The following FBXL17 variants were observed in gnomAD, a reference collection of about 807,000 sequenced individuals.
FBXL17 encodes the protein F-box/LRR-repeat protein 17.
Under a neutral mutation model 66.2 loss-of-function variants are expected in FBXL17, and 22 were observed. That is an observed-to-expected ratio of 0.33 (90% CI 0.24 to 0.47). The LOEUF is 0.47. Ranked by LOEUF, FBXL17 falls within the 20% of genes least tolerant of loss-of-function variation. The pLI, the probability that FBXL17 is intolerant of heterozygous loss-of-function variation, is 1.00. For missense variants in FBXL17, 878 were observed against 948.2 expected (o/e 0.93, Z 0.97); for synonymous variants, 474 against 400.5 (o/e 1.18, Z -2.19).
At chr5:107,983,846 G>T (rs1752917427) in intron 7 of FBXL17, among the ~76,000 whole-genome samples, 1 of 152,098 alleles carries the variant, frequency 6.6e-6, no homozygotes, top group Non-Finnish European at 1.5e-5. Context: ...GGCATGGCAG[G>T]GAATAATAGA....
intron 4 of FBXL17, among the ~76,000 whole-genome samples, chr5:108,329,396 T>C (rs370205182): frequency 6.6e-6 from 1 of 152,120 alleles, no homozygotes; most frequent in African/African-American, 2.4e-5. Context: ...AGAAAACAAC[T>C]GCTTAAAGTC....
At chr5:108,200,916 G>A (rs1753867714) in intron 5 of FBXL17, among the ~76,000 whole-genome samples, 1 of 152,154 alleles carries the variant, frequency 6.6e-6, no homozygotes, top group South Asian at 2.1e-4. Flanking sequence ...TACTGGGCAA[G>A]TGTGTCTAGA....
chr5:108,334,475 G>T (rs1257338013), intron 4 of FBXL17, among the ~76,000 whole-genome samples: 1 of 152,100 alleles, frequency 6.6e-6, no homozygotes, highest in African/African-American at 2.4e-5. Context: ...ACCTGACAAC[G>T]CCTATGGGCC....
At chr5:107,918,525 G>A (rs542434121) in intron 7 of FBXL17, among the ~76,000 whole-genome samples, 58 of 152,186 alleles carry the variant, frequency 3.8e-4, no homozygotes, top group African/African-American at 1.4e-3. Context: ...TTACTAATCA[G>A]GGTAGCCAAA....
chr5:108,022,258 TAAAAC>T (rs1449742940), intron 6 of FBXL17, among the ~76,000 whole-genome samples: 2 of 151,862 alleles, frequency 1.3e-5, no homozygotes, highest in African/African-American at 2.4e-5. Flanking sequence ...ACAGGAAACT[TAAAAC>T]AGCAACACAA....
intron 7 of FBXL17, among the ~76,000 whole-genome samples, chr5:107,934,995 G>C (rs1750850906): frequency 6.6e-6 from 1 of 152,008 alleles, no homozygotes; most frequent in African/African-American, 2.4e-5. Context: ...TGTGAAATGA[G>C]TTGTTCTAAG....
intron 6 of FBXL17, among the ~76,000 whole-genome samples, chr5:108,106,257 A>G (rs1182483027): frequency 6.6e-6 from 1 of 152,226 alleles, no homozygotes. Context: ...GAAAAGACAG[A>G]TAATAACAAG....
intron 4 of FBXL17, among the ~76,000 whole-genome samples, chr5:108,313,413 C>G (rs1484078913): frequency 6.6e-6 from 1 of 152,124 alleles, no homozygotes. Flanking sequence ...AATTTCATCT[C>G]TACCTTCTGC....
intron 7 of FBXL17, among the ~76,000 whole-genome samples, chr5:107,938,938 C>T (rs991969971): frequency 1.3e-5 from 2 of 151,968 alleles, no homozygotes; most frequent in African/African-American, 4.8e-5. Context: ...TTTCTAGGAC[C>T]TTTACAAACT....
At chr5:107,998,376 C>T (rs1031752117) in intron 7 of FBXL17, among the ~76,000 whole-genome samples, 6 of 152,160 alleles carry the variant, frequency 3.9e-5, no homozygotes, top group Non-Finnish European at 7.4e-5. Flanking sequence ...TCAACTCAAA[C>T]GTAAAGGGTT....
intron 5 of FBXL17, among the ~76,000 whole-genome samples, chr5:108,189,336 T>C (rs1165216981): frequency 1.6e-5 from 2 of 125,470 alleles, no homozygotes; most frequent in African/African-American, 7.7e-5. Context: ...TGGGATGGGA[T>C]GGGATGGGAT....
intron 4 of FBXL17, among the ~76,000 whole-genome samples, chr5:108,226,670 A>G (rs1021871420): frequency 7.9e-5 from 12 of 152,180 alleles, no homozygotes; most frequent in African/African-American, 2.9e-4. Context: ...TAACAGCTCA[A>G]TCAGTAGACT....
chr5:107,970,714 G>C (rs1252045041), intron 7 of FBXL17, among the ~76,000 whole-genome samples: 1 of 152,132 alleles, frequency 6.6e-6, no homozygotes, highest in Non-Finnish European at 1.5e-5. Flanking sequence ...TCTTGCCAGA[G>C]TGGAAAAAGA....
intron 3 of FBXL17, among the ~76,000 whole-genome samples, chr5:108,352,378 A>G (rs1747708029): frequency 6.6e-6 from 1 of 152,244 alleles, no homozygotes; most frequent in African/African-American, 2.4e-5. Flanking sequence ...TGTTGTATTC[A>G]TCTATGACCC....
intron 7 of FBXL17, among the ~76,000 whole-genome samples, chr5:107,992,362 T>C (rs1334289414): frequency 6.6e-6 from 1 of 152,154 alleles, no homozygotes; most frequent in Non-Finnish European, 1.5e-5. Context: ...GTAAATTTTC[T>C]AATTTGGTGT....
intron 6 of FBXL17, among the ~76,000 whole-genome samples, chr5:108,162,098 T>C (rs1476515578): frequency 6.6e-6 from 1 of 152,260 alleles, no homozygotes; most frequent in Non-Finnish European, 1.5e-5. Context: ...TGCTAAATTA[T>C]TAATTCTGTG....
At chr5:108,259,868 A>T (rs1248409429) in intron 4 of FBXL17, among the ~76,000 whole-genome samples, 1 of 152,174 alleles carries the variant, frequency 6.6e-6, no homozygotes, top group Non-Finnish European at 1.5e-5. Flanking sequence ...AACGGTTTTT[A>T]AAACCTAGGC....
At chr5:108,098,050 A>G (rs1366791494) in intron 6 of FBXL17, among the ~76,000 whole-genome samples, 2 of 152,126 alleles carry the variant, frequency 1.3e-5, no homozygotes, top group Non-Finnish European at 1.5e-5. Flanking sequence ...CATAGTACAC[A>G]CTTCTTAAAT....
intron 6 of FBXL17, among the ~76,000 whole-genome samples, chr5:108,044,776 T>C (rs1209121059): frequency 6.6e-6 from 1 of 152,150 alleles, no homozygotes; most frequent in Non-Finnish European, 1.5e-5. Flanking sequence ...GAGATTTATT[T>C]TGGGGGATTT....
Sources: gnomAD v4.1 joint callset for allele counts (sites outside exome capture counted in the v4.1 genomes callset) on GRCh38, gnomAD v4.1.1 for gene constraint, MANE v1.5 for transcripts, NCBI Gene and HGNC (gene_info 2026-07-23, HGNC 2026-07-21) for gene names.